The following RBFOX3 variants were observed in gnomAD, a reference collection of about 807,000 sequenced individuals.
RBFOX3 encodes the protein RNA binding fox-1 homolog 3, also known as RNA binding protein fox-1 homolog 3.
In RBFOX3, 17 loss-of-function variants were observed where a neutral mutation model predicts 48.7. The ratio of observed to expected loss-of-function variants is 0.35; its 90% CI spans 0.24 to 0.52. The LOEUF is 0.52. Among genes scored for constraint, RBFOX3 ranks in the 20% least tolerant of loss-of-function variants. RBFOX3 has a pLI of 0.94. For missense variants in RBFOX3, 382 were observed against 497.5 expected (o/e 0.77, Z 2.21); for synonymous variants, 212 against 209.5 (o/e 1.01, Z -0.10).
intron 4 of RBFOX3, among the ~76,000 whole-genome samples, chr17:79,123,324 A>G (rs1185784677): frequency 6.6e-6 from 1 of 152,222 alleles, no homozygotes; most frequent in African/African-American, 2.4e-5. Flanking sequence ...CATGTATCAC[A>G]TAAATATATA....
chr17:79,248,347 C>T (rs9908221), intron 3 of RBFOX3, among the ~76,000 whole-genome samples: 77,304 of 151,762 alleles, frequency 0.51, 19,844 homozygotes, highest in Middle Eastern at 0.65. Context: ...ATTCTCCTGC[C>T]TCAGCCTCCC....
intron 1 of RBFOX3, among the ~76,000 whole-genome samples, chr17:79,608,116 G>A (rs993592699): frequency 8.8e-4 from 134 of 152,330 alleles, no homozygotes; most frequent in African/African-American, 3.1e-3. Flanking sequence ...GAGGAGGGCA[G>A]GCTGTGGAGG....
intron 1 of RBFOX3, among the ~76,000 whole-genome samples, chr17:79,555,266 C>A: frequency 6.6e-6 from 1 of 151,930 alleles, no homozygotes; most frequent in Non-Finnish European, 1.5e-5. Flanking sequence ...ATAGTGATGG[C>A]CATGGTGGTG....
In RBFOX3 at chr17:79,344,556, T is replaced by G. The variant is rs139435994; in HGVS notation, c.-174-36732A>C. Among the ~76,000 whole-genome samples the G allele has an allele frequency of 3.6e-3, 549 of 151,710 alleles. 4 individuals carry two copies. Among genetic ancestry groups the G allele is most frequent in the African/African-American group, 0.012 (510 of 41,362 alleles). On this transcript the variant is annotated intron_variant, in intron 2 of 14. Coordinates refer to ENST00000693108, the MANE Select transcript of RBFOX3 (RefSeq NM_001350451.2). ...CTTTGTTTGATTATTTATTTATTTA[T>G]TTATTTATTTATTTAGAAGACGGAG...
chr17:79,381,488 G>A lies in RBFOX3; in HGVS notation c.-174-73664C>T, dbSNP rs139082763. On this transcript the variant is annotated intron_variant, in intron 2 of 14. Coordinates refer to ENST00000693108, the MANE Select transcript of RBFOX3 (RefSeq NM_001350451.2). The stretch of plus-strand genomic sequence containing the variant: ...AGTGCTGAGGAGCTCCCCGGGGCTC[G>A]GGGCTGCCGTGTCAGACAGCGCATC... Among the ~76,000 whole-genome samples, 18 of 152,280 alleles carry A rather than the reference G, an allele frequency of 1.2e-4. No individual in the cohort carries two copies. In the East Asian group the frequency reaches 1.9e-3, roughly 16 times the overall value.
intron 4 of RBFOX3, among the ~76,000 whole-genome samples, chr17:79,209,817 C>A (rs1009211105): frequency 1.3e-5 from 2 of 151,966 alleles, no homozygotes; most frequent in Admixed American, 6.6e-5. Context: ...CATGGTGAAA[C>A]CCCGTCTCTA....
chr17:79,489,845 C>T (rs898229433), intron 1 of RBFOX3, among the ~76,000 whole-genome samples: 4 of 152,292 alleles, frequency 2.6e-5, no homozygotes, highest in Middle Eastern at 3.4e-3. Context: ...TGCTCTCTTC[C>T]ATTTTCCATC....
At chr17:79,314,758 G>T (rs1598218354) in intron 2 of RBFOX3, among the ~76,000 whole-genome samples, 1 of 152,176 alleles carries the variant, frequency 6.6e-6, no homozygotes, top group East Asian at 1.9e-4. Flanking sequence ...GTGAGCTCTG[G>T]TCCACGCTTA....
At chr17:79,379,337 T>C (rs1376322770) in intron 2 of RBFOX3, among the ~76,000 whole-genome samples, 1 of 152,142 alleles carries the variant, frequency 6.6e-6, no homozygotes, top group Non-Finnish European at 1.5e-5. Flanking sequence ...GATGACCTCC[T>C]ACTTCCGAGA....
At chr17:79,587,720 G>A (rs1440311717) in intron 1 of RBFOX3, among the ~76,000 whole-genome samples, 1 of 152,212 alleles carries the variant, frequency 6.6e-6, no homozygotes, top group Non-Finnish European at 1.5e-5. Flanking sequence ...TATGTAACCA[G>A]GGAATCACAG....
At chr17:79,632,910 G>A in the RBFOX3 span, among the ~76,000 whole-genome samples, 1 of 152,168 alleles carries the variant, frequency 6.6e-6, no homozygotes, top group African/African-American at 2.4e-5. Context: ...GCAAGACCCT[G>A]CCTTGAAAAA....
intron 2 of RBFOX3, among the ~76,000 whole-genome samples, chr17:79,403,134 TCCCCCTCGCTG>T: frequency 6.6e-6 from 1 of 151,952 alleles, no homozygotes; most frequent in Non-Finnish European, 1.5e-5. Flanking sequence ...CTTGGCTCCC[TCCCCCTCGCTG>T]GGGCCCTGAA....
intron 2 of RBFOX3, among the ~76,000 whole-genome samples, chr17:79,338,816 C>T (rs2081591492): frequency 1.3e-5 from 2 of 152,150 alleles, no homozygotes; most frequent in South Asian, 4.1e-4. Context: ...CTTGTTAGCC[C>T]TGGAGACAAA....
chr17:79,547,230 C>T lies in RBFOX3; in HGVS notation c.-320+63596G>A, dbSNP rs77615198. ...TTTGGAGGCCGAGGCAGGTGGATCACGAGGTCAAGAGTTTGAGACCAGCCT... is the reference window on the plus strand; with the variant it reads ...TTTGGAGGCCGAGGCAGGTGGATCATGAGGTCAAGAGTTTGAGACCAGCCT... On this transcript the variant is annotated intron_variant, in intron 1 of 14. Coordinates refer to ENST00000693108, the MANE Select transcript of RBFOX3 (RefSeq NM_001350451.2). Among the ~76,000 whole-genome samples the T allele has an allele frequency of 3.5e-3, 530 of 152,236 alleles. 1 individual carries two copies. The highest frequency in any genetic ancestry group is 0.031 in the East Asian group (162 of 5,160).
At chr17:79,458,934 T>C (rs1438127734) in intron 2 of RBFOX3, among the ~76,000 whole-genome samples, 1 of 152,114 alleles carries the variant, frequency 6.6e-6, no homozygotes, top group Non-Finnish European at 1.5e-5. Flanking sequence ...CTGGATCTAA[T>C]GGCAAGCACA....
intron 3 of RBFOX3, among the ~76,000 whole-genome samples, chr17:79,263,258 G>A (rs987335405): frequency 3.3e-5 from 5 of 152,254 alleles, no homozygotes; most frequent in East Asian, 1.9e-4. Context: ...CAAACTTTTC[G>A]TGATTTCTGC....
intron 2 of RBFOX3, among the ~76,000 whole-genome samples, chr17:79,452,806 C>T (rs2073777060): frequency 6.6e-6 from 1 of 152,170 alleles, no homozygotes; most frequent in African/African-American, 2.4e-5. Flanking sequence ...TGAAGGAGGG[C>T]ACAGAGAGCT....
At chr17:79,164,255 C>T (rs1445585048) in intron 4 of RBFOX3, among the ~76,000 whole-genome samples, 1 of 152,218 alleles carries the variant, frequency 6.6e-6, no homozygotes, top group East Asian at 1.9e-4. Context: ...AAAAGTGCAG[C>T]TGCTCTTCAG....
chr17:79,228,115 T>C (rs1028901788), intron 4 of RBFOX3, among the ~76,000 whole-genome samples: 3 of 152,174 alleles, frequency 2.0e-5, no homozygotes, highest in African/African-American at 7.2e-5. Context: ...TGCTCCTCCT[T>C]CTAAGCTGCT....
Sources: gnomAD v4.1 joint callset for allele counts (sites outside exome capture counted in the v4.1 genomes callset) on GRCh38, gnomAD v4.1.1 for gene constraint, MANE v1.5 for transcripts, NCBI Gene and HGNC (gene_info 2026-07-23, HGNC 2026-07-21) for gene names.